The following LAMA1 variants were observed in gnomAD, a reference collection of about 807,000 sequenced individuals.
LAMA1 encodes the protein laminin subunit alpha 1, also known as laminin subunit alpha-1.
LAMA1 carries 219 observed loss-of-function variants against 348.7 expected under a neutral mutation model. The observed-to-expected ratio is 0.63, with a 90% confidence interval of 0.56 to 0.70. The LOEUF (loss-of-function observed/expected upper bound fraction) is 0.70. Among genes scored for constraint, LAMA1 ranks in the 30% least tolerant of loss-of-function variants. The pLI is 0.00. For missense variants in LAMA1, 3,744 were observed against 3,888.0 expected (o/e 0.96, Z 0.99); for synonymous variants, 1,487 against 1,491.0 (o/e 1.00, Z 0.06).
chr18:6,980,077 G>A (rs1217280481), intron 42 of LAMA1, among the ~76,000 whole-genome samples: 5 of 152,160 alleles, frequency 3.3e-5, no homozygotes, highest in African/African-American at 4.8e-5. Flanking sequence ...AGTGATCAGT[G>A]AGCCTAATGT....
At chr18:6,962,951 C>T (rs2057615095) in intron 51 of LAMA1, among the ~76,000 whole-genome samples, 1 of 152,188 alleles carries the variant, frequency 6.6e-6, no homozygotes, top group Non-Finnish European at 1.5e-5. Context: ...TAGTCCAGCT[C>T]TAATTTCCAA....
rs568906606 is a variant in LAMA1 at position 6,978,516 on chromosome 18, T to C, written c.6008-138A>G. 245 of 863,708 alleles carry C rather than the reference T, an allele frequency of 2.8e-4. No individual in the cohort carries two copies. In the African/African-American group the frequency reaches 3.8e-3, roughly 14 times the overall value. 53.5% of individuals were successfully genotyped at this position (863,708 alleles called of 1,614,324 possible). ...TGCTGAACACAAACTGAGGCTTGTC[T>C]GTTTGCTTTTTTTTCTTTTGGGCAG... On this transcript the variant is annotated intron_variant, in intron 42 of 62. Transcript: ENST00000389658.
At chr18:7,075,446 A>G (rs1259809060) in intron 3 of LAMA1, among the ~76,000 whole-genome samples, 4 of 151,948 alleles carry the variant, frequency 2.6e-5, no homozygotes, top group Admixed American at 2.0e-4. Flanking sequence ...AACATGGAGA[A>G]ACCCTGTCTC....
intron 3 of LAMA1, among the ~76,000 whole-genome samples, chr18:7,056,224 C>A (rs1325457492): frequency 6.6e-6 from 1 of 152,122 alleles, no homozygotes; most frequent in African/African-American, 2.4e-5. Flanking sequence ...TGGGTTGTGA[C>A]CATCCATTAC....
chr18:7,097,540 C>A (rs1598318094), intron 1 of LAMA1, among the ~76,000 whole-genome samples: 6 of 129,078 alleles, frequency 4.6e-5, no homozygotes, highest in Admixed American at 1.8e-4. Context: ...CAAGCTGATA[C>A]AATTGGAAAT....
chr18:6,948,979 C>A, intron 59 of LAMA1, 122 bp downstream of exon 59: 1 of 1,308,282 alleles, frequency 7.6e-7, no homozygotes, highest in Non-Finnish European at 1.1e-6. Flanking sequence ...AAGTAAACCT[C>A]TTCACAAGCC....
chr18:6,983,218 T>A lies in LAMA1; in HGVS notation c.5677A>T (p.Arg1893Ter). 6.2e-7 allele frequency: 1 copy of A among 1,614,232 alleles called. No homozygotes were observed. The highest frequency in any genetic ancestry group is 8.5e-7 in the Non-Finnish European group (1 of 1,180,046). ...CTGGTGGCATTCAGGGACACATTTC[T>A]GATGTTTTCAAGGCCACTATCAAAG... ...DVLYSGLENI[R>*]NVSLNATSAA... The change falls in exon 40 of 63, where the codon AGA (arginine) becomes TGA (stop). Residue 1893 changes from arginine to a stop codon, truncating the protein, a stop_gained. Transcript: ENST00000389658. LOFTEE classifies it high-confidence loss of function.
chr18:7,011,249 C>G (rs1459602011), intron 25 of LAMA1, 51 bp downstream of exon 25: 1 of 1,581,626 alleles, frequency 6.3e-7, no homozygotes, highest in East Asian at 2.3e-5. Context: ...TAAACAATTT[C>G]TGTATATCCT....
rs755149867 is a variant in LAMA1, at chr18:6,978,319, C to T, written c.6067G>A (p.Val2023Met). The part of the protein sequence containing the change: ...ELATSASQSA[V>M]STLRDVAGLS... ...CCCGCCACGTCCCTCAGCGTGCTCA[C>T]CGCGCTCTGGCTTGCAGACGTGGCC... The change falls in exon 43 of 63, where the codon GTG becomes ATG. Residue 2023 changes from valine (V) to methionine (M), a missense_variant. Val to Met is a conservative substitution (Grantham distance 21). Around this residue, in one of 3 missense-constraint regions of LAMA1, gnomAD observed 1,983 missense variants for 1,934.3 expected, o/e 1.03. Transcript: ENST00000389658. The T allele has an allele frequency of 3.7e-6, 6 of 1,614,260 alleles. No homozygotes were observed. In the East Asian group the frequency reaches 1.3e-4, roughly 36 times the overall value.
intron 54 of LAMA1, 105 bp downstream of exon 54, chr18:6,959,236 G>A (rs2057595469): frequency 7.0e-7 from 1 of 1,435,500 alleles, no homozygotes; most frequent in Non-Finnish European, 9.8e-7. Flanking sequence ...GGATGCCGAT[G>A]ACCCCAGTCA....
At chr18:7,051,856 A>G (rs2058063352) in intron 3 of LAMA1, among the ~76,000 whole-genome samples, 1 of 152,200 alleles carries the variant, frequency 6.6e-6, no homozygotes, top group African/African-American at 2.4e-5. Context: ...CTCTTTGGAA[A>G]ATAGTTTGGC....
Position 7,003,667 on chromosome 18 carries a change from C to T in LAMA1, c.4261-1282G>A, listed in dbSNP as rs531340958. Among the ~76,000 whole-genome samples, 12 of 152,290 alleles carry T rather than the reference C, an allele frequency of 7.9e-5. No homozygotes were observed. The South Asian group carries it at 1.9e-3, about 24-fold the overall frequency. On this transcript the variant is annotated intron_variant, in intron 29 of 62. Coordinates refer to ENST00000389658, the MANE Select transcript of LAMA1 (RefSeq NM_005559.4). ...TCTCTATTTACTCAGCCACTGGGCA[C>T]AAGATTCCATGTCTGATGCAGCTGA... is the stretch of plus-strand genomic sequence containing the variant.
At chr18:7,072,587 CAGG>C (rs1212174625) in intron 3 of LAMA1, among the ~76,000 whole-genome samples, 1 of 152,170 alleles carries the variant, frequency 6.6e-6, no homozygotes, top group Admixed American at 6.5e-5. Flanking sequence ...ATGATTTCTC[CAGG>C]AGAATTCTAA....
At chr18:7,010,523 T>TAGAAGGA in intron 25 of LAMA1, 138 bp from the exon 26 acceptor site, 1 of 843,398 alleles carries the variant, frequency 1.2e-6, no homozygotes, top group Non-Finnish European at 1.9e-6. Context: ...TGTCTGGAAT[T>TAGAAGGA]TGCTTCCTTC....
intron 42 of LAMA1, among the ~76,000 whole-genome samples, chr18:6,979,702 A>C (rs531208468): frequency 1.3e-5 from 2 of 152,108 alleles, no homozygotes; most frequent in East Asian, 1.9e-4. Context: ...GATCGAGACC[A>C]TCCTGGCTAA....
At chr18:7,065,705 T>A (rs1180937180) in intron 3 of LAMA1, among the ~76,000 whole-genome samples, 2 of 152,180 alleles carry the variant, frequency 1.3e-5, no homozygotes, top group Non-Finnish European at 1.5e-5. Context: ...CCAGCTTGGG[T>A]GACAGAGTGA....
At chr18:7,048,395 CA>C (rs957047446) in intron 5 of LAMA1, among the ~76,000 whole-genome samples, 52 of 152,170 alleles carry the variant, frequency 3.4e-4, no homozygotes, top group African/African-American at 1.2e-3. Context: ...GGTCAGACTA[CA>C]AAAACGGACA....
intron 3 of LAMA1, among the ~76,000 whole-genome samples, chr18:7,078,328 A>T (rs544543416): frequency 2.7e-5 from 4 of 150,576 alleles, no homozygotes; most frequent in Admixed American, 6.6e-5. Flanking sequence ...CACCACGCCC[A>T]GCTAATTTTT....
chr18:6,947,391 T>A (rs541866568), intron 60 of LAMA1, 95 bp from the exon 61 acceptor site: 1 of 1,467,980 alleles, frequency 6.8e-7, no homozygotes, highest in South Asian at 1.2e-5. Flanking sequence ...GACCTGGCTC[T>A]AGCTCCTCCT....
Sources: gnomAD v4.1 joint callset for allele counts (sites outside exome capture counted in the v4.1 genomes callset) on GRCh38, gnomAD v4.1.1 for gene constraint, gnomAD v4.1.1 regional missense constraint, MANE v1.5 for transcripts, NCBI Gene and HGNC (gene_info 2026-07-23, HGNC 2026-07-21) for gene names.